Variants in COMMD1 observed in about 807,000 individuals in gnomAD.
COMMD1 encodes the protein COMM domain-containing protein 1.
COMMD1 carries 10 observed loss-of-function variants against 17.2 expected under a neutral mutation model. That is an observed-to-expected ratio of 0.58 (90% CI 0.36 to 0.99). The LOEUF (loss-of-function observed/expected upper bound fraction) is 0.99. Among genes scored for constraint, COMMD1 ranks in the 50% least tolerant of loss-of-function variants. The pLI, the probability that COMMD1 is intolerant of heterozygous loss-of-function variation, is 0.01. For missense variants in COMMD1, 270 were observed against 231.8 expected (o/e 1.17, Z -1.07); for synonymous variants, 97 against 91.6 (o/e 1.06, Z -0.34).
At chr2:62,110,702 A>G (rs1177871344) in intron 2 of COMMD1, among the ~76,000 whole-genome samples, 2 of 152,090 alleles carry the variant, frequency 1.3e-5, no homozygotes, top group Non-Finnish European at 2.9e-5. Flanking sequence ...CTTTCTCTCA[A>G]TTCTGCTTGT....
chr2:62,003,409 C>T (rs1446299956), intron 2 of COMMD1, among the ~76,000 whole-genome samples: 5 of 151,596 alleles, frequency 3.3e-5, no homozygotes, highest in Non-Finnish European at 7.4e-5. Flanking sequence ...GGCGTGGTGG[C>T]GGGCGCCTGT....
At chr2:62,097,879 G>A (rs930006461) in intron 2 of COMMD1, among the ~76,000 whole-genome samples, 103 of 152,272 alleles carry the variant, frequency 6.8e-4, no homozygotes, top group Non-Finnish European at 5.6e-4. Flanking sequence ...TAGAAGTAGG[G>A]GGGAAACCCT....
At chr2:61,949,904 CAT>C (rs1249880135) in intron 1 of COMMD1, among the ~76,000 whole-genome samples, 1 of 152,176 alleles carries the variant, frequency 6.6e-6, no homozygotes, top group Non-Finnish European at 1.5e-5. Context: ...TGCCTGCAGA[CAT>C]AGACCCACTG....
At position 61,949,698 on chromosome 2, in the gene COMMD1, G is replaced by A. The variant is rs543873151; in HGVS notation, c.180+43840G>A. ...ATGATGTTTGTGAAAACTTGTGTCC[G>A]TGGCCTCCAACAAAAGTGAGATACT... On this transcript the variant is annotated intron_variant, in intron 1 of 2. Coordinates refer to ENST00000311832, the MANE Select transcript of COMMD1 (RefSeq NM_152516.4). Among the ~76,000 whole-genome samples the A allele has an allele frequency of 2.0e-5, 3 of 152,284 alleles. No homozygotes were observed. In the South Asian group the frequency reaches 6.2e-4, roughly 32 times the overall value.
chr2:61,944,771 C>T (rs1199581207), intron 1 of COMMD1, among the ~76,000 whole-genome samples: 3 of 152,154 alleles, frequency 2.0e-5, no homozygotes, highest in African/African-American at 7.2e-5. Flanking sequence ...ACATCCCAAA[C>T]AGTGGCAAGT....
intron 2 of COMMD1, among the ~76,000 whole-genome samples, chr2:62,075,865 C>G (rs574758895): frequency 6.6e-6 from 1 of 152,278 alleles, no homozygotes; most frequent in East Asian, 1.9e-4. Flanking sequence ...CATATGTTGT[C>G]ACATGGCAAT....
At chr2:62,067,177 A>G (rs1442620046) in intron 2 of COMMD1, among the ~76,000 whole-genome samples, 4 of 151,836 alleles carry the variant, frequency 2.6e-5, no homozygotes, top group Non-Finnish European at 4.4e-5. Flanking sequence ...GTGAGCAGAG[A>G]TGGTGCCACT....
At chr2:62,038,949 T>C (rs764151233) in intron 2 of COMMD1, among the ~76,000 whole-genome samples, 1 of 152,224 alleles carries the variant, frequency 6.6e-6, no homozygotes, top group Non-Finnish European at 1.5e-5. Flanking sequence ...ACAGCATATA[T>C]AGTTGTGTGT....
intron 2 of COMMD1, among the ~76,000 whole-genome samples, chr2:62,082,501 G>A (rs762685181): frequency 3.9e-5 from 6 of 152,138 alleles, no homozygotes; most frequent in South Asian, 2.1e-4. Flanking sequence ...TCCCAGCGAC[G>A]TTGGAAGCTT....
chr2:61,982,568 A>G lies in COMMD1; in HGVS notation c.181-18133A>G, dbSNP rs1304254982. Reference sequence around the variant, plus strand: ...GCATACTTGTGGTGTTCCAGATATTAGAGGAAAGTCTTTTAGTTTTCCTCT... The same window carrying G: ...GCATACTTGTGGTGTTCCAGATATTGGAGGAAAGTCTTTTAGTTTTCCTCT... On this transcript the variant is annotated intron_variant, in intron 1 of 2. Coordinates refer to ENST00000311832, the MANE Select transcript of COMMD1 (RefSeq NM_152516.4). Among the ~76,000 whole-genome samples, 3 of 152,208 alleles carry G rather than the reference A, an allele frequency of 2.0e-5. 1 individual carries two copies. The highest frequency in any genetic ancestry group is 4.4e-5 in the Non-Finnish European group (3 of 68,032).
intron 1 of COMMD1, among the ~76,000 whole-genome samples, chr2:61,969,810 A>G (rs1017813468): frequency 6.6e-6 from 1 of 152,186 alleles, no homozygotes; most frequent in African/African-American, 2.4e-5. Flanking sequence ...ATTTCCAGTC[A>G]TTCTTTCTTC....
At chr2:62,032,766 CTTCA>C (rs1669943917) in intron 2 of COMMD1, among the ~76,000 whole-genome samples, 1 of 151,678 alleles carries the variant, frequency 6.6e-6, no homozygotes, top group Admixed American at 6.6e-5. Context: ...TCCTTCCTTC[CTTCA>C]TTCATTCATT....
intron 2 of COMMD1, among the ~76,000 whole-genome samples, chr2:62,057,348 G>C (rs1052100868): frequency 6.6e-6 from 1 of 151,934 alleles, no homozygotes; most frequent in Non-Finnish European, 1.5e-5. Context: ...GCATATATCT[G>C]TGTGTGTGTG....
chr2:62,050,855 C>G (rs556914775), intron 2 of COMMD1, among the ~76,000 whole-genome samples: 1 of 152,068 alleles, frequency 6.6e-6, no homozygotes, highest in African/African-American at 2.4e-5. Flanking sequence ...AAAGAAATAC[C>G]TTTTCAGAAG....
chr2:61,888,765 G>C (rs1669334495), exon 1 of COMMD1: 3 of 515,314 alleles, frequency 5.8e-6, no homozygotes, highest in Non-Finnish European at 6.9e-6. Context: ...TTGTACGCCC[G>C]GGGCGCTGTG....
rs1015252595 is a variant in COMMD1 at position 61,974,091 on chromosome 2, T to A, written c.181-26610T>A. On this transcript the variant is annotated intron_variant, in intron 1 of 2. Transcript: ENST00000311832. ...GGCAGATCACTTGAGGTCAGGAGTTTGAGACCAGCCTGGCAAACATGGTGA... is the reference window on the plus strand; with the variant it reads ...GGCAGATCACTTGAGGTCAGGAGTTAGAGACCAGCCTGGCAAACATGGTGA... Among the ~76,000 whole-genome samples the A allele has an allele frequency of 2.0e-5, 3 of 151,860 alleles. No homozygotes were observed. In the East Asian group the frequency reaches 5.9e-4, roughly 30 times the overall value.
chr2:61,894,659 GAAT>G (rs945747401), intron 1 of COMMD1, among the ~76,000 whole-genome samples: 8 of 150,252 alleles, frequency 5.3e-5, no homozygotes, highest in Admixed American at 4.6e-4. Context: ...AAAAAAAATA[GAAT>G]GATGATATAT....
chr2:61,912,894 A>C (rs1384374312), intron 1 of COMMD1, among the ~76,000 whole-genome samples: 1 of 152,218 alleles, frequency 6.6e-6, no homozygotes, highest in Non-Finnish European at 1.5e-5. Flanking sequence ...GAACGTTTAC[A>C]GAAAAAGTTT....
At chr2:61,932,115 C>T (rs1240952531) in intron 1 of COMMD1, among the ~76,000 whole-genome samples, 1 of 152,238 alleles carries the variant, frequency 6.6e-6, no homozygotes, top group Non-Finnish European at 1.5e-5. Context: ...CTACATTGGC[C>T]TCCCAAAGTG....
Sources: gnomAD v4.1 joint callset for allele counts (sites outside exome capture counted in the v4.1 genomes callset) on GRCh38, gnomAD v4.1.1 for gene constraint, MANE v1.5 for transcripts, NCBI Gene and HGNC (gene_info 2026-07-23, HGNC 2026-07-21) for gene names.